Variants in NUDC observed in about 807,000 individuals in gnomAD.
NUDC encodes nuclear migration protein nudC.
A neutral mutation model predicts 45.0 loss-of-function variants in NUDC; 14 were observed. The ratio of observed to expected loss-of-function variants is 0.31; its 90% CI spans 0.21 to 0.49. The LOEUF (loss-of-function observed/expected upper bound fraction) is 0.49. Among genes scored for constraint, NUDC ranks in the 20% least tolerant of loss-of-function variants. NUDC has a pLI of 0.99. For synonymous variants in NUDC, 153 were observed against 156.7 expected, an observed-to-expected ratio of 0.98 and a Z score of 0.17; for missense variants, 323 against 426.2, an observed-to-expected ratio of 0.76 and a Z score of 2.13.
intron 2 of NUDC, among the ~76,000 whole-genome samples, chr1:26,927,777 A>C (rs1238145958): frequency 6.6e-6 from 1 of 152,090 alleles, no homozygotes; most frequent in Non-Finnish European, 1.5e-5. Flanking sequence ...CAAAGACCAC[A>C]ATCCACTTCA....
intron 2 of NUDC, among the ~76,000 whole-genome samples, chr1:26,939,287 G>A (rs1218898542): frequency 6.6e-6 from 1 of 151,844 alleles, no homozygotes; most frequent in Non-Finnish European, 1.5e-5. Flanking sequence ...CAAAGTGCTG[G>A]GATTACGGGC....
At chr1:26,945,229 G>A (rs1378750324) in intron 6 of NUDC, 161 bp from the exon 7 acceptor site, 1 of 677,252 alleles carries the variant, frequency 1.5e-6, no homozygotes, top group African/African-American at 1.8e-5. Context: ...TCCCCTAGCT[G>A]CAGGAAGGGC....
chr1:26,942,972 G>C lies in NUDC; in HGVS notation c.648G>C (p.Ala216=). The change falls in exon 6 of 9, where the codon GCG becomes GCC. Residue 216 remains alanine (A), a synonymous_variant. Coordinates refer to ENST00000321265, the MANE Select transcript of NUDC (RefSeq NM_006600.4). ...HLRVGLKGQP[A]IIDGELYNEV... Reference sequence around the variant, plus strand: ...GGGTGGGGCTCAAGGGGCAGCCAGCGATCATTGATGGGGAGCTCTACAATG... The same window carrying C: ...GGGTGGGGCTCAAGGGGCAGCCAGCCATCATTGATGGGGAGCTCTACAATG... The C allele has an allele frequency of 6.2e-7, 1 of 1,614,140 alleles. No homozygotes were observed. Among genetic ancestry groups the C allele is most frequent in the Non-Finnish European group, 8.5e-7 (1 of 1,180,014 alleles).
chr1:26,927,103 G>T (rs537234673), intron 2 of NUDC, among the ~76,000 whole-genome samples: 1 of 152,270 alleles, frequency 6.6e-6, no homozygotes, highest in East Asian at 1.9e-4. Flanking sequence ...ACTAACCTAG[G>T]TTGGGGGCTC....
chr1:26,904,875 A>G (rs1412150726), intron 2 of NUDC, among the ~76,000 whole-genome samples: 1 of 149,880 alleles, frequency 6.7e-6, no homozygotes, highest in Non-Finnish European at 1.5e-5. Context: ...TTTCTGAGAC[A>G]GAGTCTTGCT....
chr1:26,941,654 T>G lies in NUDC; in HGVS notation c.357T>G (p.Ile119Met). 2 of 1,612,140 alleles carry G rather than the reference T, an allele frequency of 1.2e-6. No individual in the cohort carries two copies. Among genetic ancestry groups the G allele is most frequent in the African/African-American group, 1.3e-5 (1 of 75,010 alleles). ...DEEAERLQLE[I>M]DQKKDAENHE... ...AGGCAGAGAGGCTGCAGCTAGAGAT[T>G]GACCAGGTGAAGGGTGGGCTTCCCT... The change falls in exon 3 of 9, where the codon ATT (isoleucine) becomes ATG (methionine). Residue 119 changes from isoleucine (I) to methionine (M), a missense_variant. Around this residue, in one of 3 missense-constraint regions of NUDC, gnomAD observed 245 missense variants for 278.8 expected, o/e 0.88. Transcript: ENST00000321265.
In NUDC at chr1:26,902,567, T is replaced by A. The variant is rs138851608; in HGVS notation, c.-16+201T>A. ...CCTTCTATTGCAATAGTTCCTTTCT[T>A]CCCTTGCAATAATCCTTTCAAATAA... On this transcript the variant is annotated intron_variant, in intron 2 of 6. Coordinates refer to the NUDC transcript ENST00000435827. Among the ~76,000 whole-genome samples, 154 of 152,230 alleles carry A rather than the reference T, an allele frequency of 1.0e-3. 1 individual carries two copies. Among genetic ancestry groups the A allele is most frequent in the African/African-American group, 3.4e-3 (140 of 41,550 alleles).
chr1:26,913,189 G>A (rs900808262), intron 3 of NUDC, among the ~76,000 whole-genome samples: 9 of 152,118 alleles, frequency 5.9e-5, no homozygotes, highest in African/African-American at 2.2e-4. Context: ...GGGAGGCTGA[G>A]GCAGAGAAAA....
intron 2 of NUDC, among the ~76,000 whole-genome samples, chr1:26,932,378 A>G (rs1470720046): frequency 1.3e-5 from 2 of 151,790 alleles, no homozygotes; most frequent in African/African-American, 4.8e-5. Context: ...ATGAAGTTTC[A>G]CCATGTCAGT....
intron 8 of NUDC, 104 bp from the exon 9 acceptor site, chr1:26,946,026 G>T (rs2082315111): frequency 8.7e-7 from 1 of 1,150,788 alleles, no homozygotes; most frequent in African/African-American, 1.5e-5. Context: ...CTGGCTTGGT[G>T]TTGCTGAGGT....
upstream of NUDC, among the ~76,000 whole-genome samples, chr1:26,920,136 T>C (rs984011977): frequency 1.3e-5 from 2 of 152,256 alleles, no homozygotes; most frequent in South Asian, 2.1e-4. Flanking sequence ...AGTAAGATAA[T>C]AGTGGTTCAT....
At chr1:26,911,503 T>C in intron 3 of NUDC, 1 of 354,480 alleles carries the variant, frequency 2.8e-6, no homozygotes, top group Non-Finnish European at 5.5e-6. Flanking sequence ...TTCATACCTT[T>C]TATTACAAAA....
At chr1:26,912,781 G>A (rs2082036379) in intron 3 of NUDC, among the ~76,000 whole-genome samples, 1 of 152,154 alleles carries the variant, frequency 6.6e-6, no homozygotes, top group Non-Finnish European at 1.5e-5. Flanking sequence ...CTTTGAGGAT[G>A]TGACTGAGAC....
chr1:26,919,970 G>A (rs1451613614), upstream of NUDC, among the ~76,000 whole-genome samples: 1 of 152,224 alleles, frequency 6.6e-6, no homozygotes, highest in Non-Finnish European at 1.5e-5. Flanking sequence ...CCCTCAGTCT[G>A]AGGGAGAAGA....
chr1:26,912,036 C>A lies in NUDC; in HGVS notation c.93+801C>A, dbSNP rs74315350. 58 of 1,614,042 alleles carry A rather than the reference C, an allele frequency of 3.6e-5. No homozygotes were observed. In the East Asian group the frequency reaches 1.3e-3, roughly 36 times the overall value. ...AGGACTTCACACAGCACCCAGTGAGCCTCCTGCTGCAGGTGCCCAATGTGG... is the reference window on the plus strand; with the variant it reads ...AGGACTTCACACAGCACCCAGTGAGACTCCTGCTGCAGGTGCCCAATGTGG... On this transcript the variant is annotated intron_variant, in intron 3 of 6. Transcript: ENST00000435827.
At chr1:26,914,006 A>G (rs2082047246) in intron 3 of NUDC, 1 of 1,294,338 alleles carries the variant, frequency 7.7e-7, no homozygotes, top group East Asian at 2.6e-5. Flanking sequence ...TGCTATTTAT[A>G]TTCCCAGTGA....
chr1:26,943,576 G>C (rs1441444407), intron 6 of NUDC, among the ~76,000 whole-genome samples: 2 of 152,158 alleles, frequency 1.3e-5, no homozygotes, highest in Non-Finnish European at 2.9e-5. Context: ...GAAAGTCTTA[G>C]TTTCTAAAGC....
intron 3 of NUDC, chr1:26,913,977 C>G: frequency 7.0e-7 from 1 of 1,428,548 alleles, no homozygotes; most frequent in Non-Finnish European, 9.2e-7. Flanking sequence ...CTCTCTGGCT[C>G]TGTGTTCTGC....
At chr1:26,921,331 G>A (rs36109400), upstream of NUDC, among the ~76,000 whole-genome samples, 23,693 of 152,188 alleles carry the variant, frequency 0.16, 1,990 homozygotes, top group African/African-American at 0.21. Context: ...CAAGTACGCA[G>A]TGAGGTCGAT....
Sources: gnomAD v4.1 joint callset for allele counts (sites outside exome capture counted in the v4.1 genomes callset) on GRCh38, gnomAD v4.1.1 for gene constraint, gnomAD v4.1.1 regional missense constraint, MANE v1.5 for transcripts, NCBI Gene and HGNC (gene_info 2026-07-23, HGNC 2026-07-21) for gene names.